Variants in TECPR2 observed in about 807,000 individuals in gnomAD.
The protein encoded by TECPR2 is tectonin beta-propeller repeat-containing protein 2.
A neutral mutation model predicts 138.1 loss-of-function variants in TECPR2; 65 were observed. The ratio of observed to expected loss-of-function variants is 0.47; its 90% confidence interval spans 0.39 to 0.58. The LOEUF (loss-of-function observed/expected upper bound fraction) is 0.58. TECPR2 is among the 20% of genes least tolerant of loss of function. The probability of loss-of-function intolerance (pLI) is 0.00; values close to 1 mark genes in which losing one functional copy is unlikely to be tolerated. For synonymous variants in TECPR2, 746 were observed against 749.8 expected, an observed-to-expected ratio of 0.99 and a Z score of 0.08; for missense variants, 1,553 against 1,824.5, an observed-to-expected ratio of 0.85 and a Z score of 2.71.
At position 102,443,862 on chromosome 14, in the gene TECPR2, C is replaced by T; in HGVS notation, c.2933+35C>T. 1 of 1,501,814 alleles carries T rather than the reference C, an allele frequency of 6.7e-7. No homozygotes were observed. The highest frequency in any genetic ancestry group is 9.0e-7 in the Non-Finnish European group (1 of 1,111,874). The allele number at this position is 1,501,814 out of a possible 1,614,324, so 93.0% of individuals were successfully genotyped here. A position where few individuals can be genotyped will look rare whatever the true frequency, so the allele number is the denominator to read the frequency against. On this transcript the variant is annotated intron_variant, in intron 12 of 19. Coordinates refer to ENST00000359520, the MANE Select transcript of TECPR2 (RefSeq NM_014844.5). The surrounding 1 kb of genome is among the most constrained non-coding windows in gnomAD (Gnocchi z 4.9). ...GGCCAGAGACTCCTTTCACATCGTG[C>T]TTGTCCTACCCTTCGTTCTTGTCCA...
intron 7 of TECPR2, among the ~76,000 whole-genome samples, chr14:102,428,698 G>A (rs886219433): frequency 6.6e-6 from 1 of 152,264 alleles, no homozygotes; most frequent in South Asian, 2.1e-4. Context: ...GGAGGCAGAG[G>A]TTGCTGTAAG....
intron 19 of TECPR2, 129 bp downstream of exon 19, chr14:102,497,848 A>G: frequency 7.7e-7 from 1 of 1,299,064 alleles, no homozygotes; most frequent in Non-Finnish European, 1.0e-6. Context: ...ACTGAGGGCA[A>G]AGCCAGGAGT....
intron 1 of TECPR2, among the ~76,000 whole-genome samples, chr14:102,375,034 G>A (rs1257250928): frequency 5.3e-5 from 8 of 152,088 alleles, no homozygotes; most frequent in Admixed American, 3.9e-4. Flanking sequence ...AAGGAGATGT[G>A]TGGATAGGCC....
At chr14:102,379,907 C>A (rs1319014637) in intron 2 of TECPR2, among the ~76,000 whole-genome samples, 2 of 148,892 alleles carry the variant, frequency 1.3e-5, no homozygotes, top group Non-Finnish European at 3.0e-5. Context: ...CTGAAGATCA[C>A]CATCTTAAAA....
At chr14:102,439,764 G>A (rs1483289551) in intron 10 of TECPR2, among the ~76,000 whole-genome samples, 1 of 152,224 alleles carries the variant, frequency 6.6e-6, no homozygotes, top group Non-Finnish European at 1.5e-5. Flanking sequence ...AGGCCCTCTA[G>A]TCCAGCCCAG....
chr14:102,490,505 G>GT (rs1891130094), intron 17 of TECPR2, among the ~76,000 whole-genome samples: 1 of 152,318 alleles, frequency 6.6e-6, no homozygotes, highest in African/African-American at 2.4e-5. Flanking sequence ...TCAAGCGTTG[G>GT]TTTTTTGTCT....
intron 8 of TECPR2, among the ~76,000 whole-genome samples, 171 bp from the exon 9 acceptor site, chr14:102,434,064 T>TTA (rs1889586826): frequency 6.6e-6 from 1 of 152,186 alleles, no homozygotes; most frequent in South Asian, 2.1e-4. Context: ...CTTGCATGCA[T>TTA]AGAAAGCATC....
Position 102,498,552 on chromosome 14 carries a change from C to T in TECPR2, c.*295C>T. ...CGTGCTGCCGTCCTGGTCTCATCCA[C>T]AGATAGCTCCAGCTTTTGTTGGTGG... On this transcript the variant is annotated 3_prime_UTR_variant, in exon 20 of 20. Transcript: ENST00000359520. 2.1e-6 allele frequency: 1 copy of T among 485,304 alleles called. No individual in the cohort carries two copies. The highest frequency in any genetic ancestry group is 3.8e-6 in the Non-Finnish European group (1 of 264,650). 30.1% of individuals were successfully genotyped at this position (485,304 alleles called of 1,614,324 possible).
chr14:102,483,126 C>T (rs912142387), intron 17 of TECPR2, among the ~76,000 whole-genome samples: 3 of 152,100 alleles, frequency 2.0e-5, no homozygotes, highest in African/African-American at 7.2e-5. Context: ...GCTGGAATTA[C>T]AGGCGTGAGC....
rs530885035 is a variant in TECPR2, at chr14:102,476,559, C to A, written c.3789+11270C>A. Among the ~76,000 whole-genome samples, 214 of 152,222 alleles carry A rather than the reference C, an allele frequency of 1.4e-3. 1 individual carries two copies. Among genetic ancestry groups the A allele is most frequent in the African/African-American group, 4.6e-3 (193 of 41,536 alleles). On this transcript the variant is annotated intron_variant, in intron 17 of 19. Transcript: ENST00000359520. ...TCCACACTGAAGCCCAGAGGGAAAA[C>A]AGGCTGGAAAATGTTCAGAGAATCA...
intron 1 of TECPR2, among the ~76,000 whole-genome samples, chr14:102,368,377 T>C (rs140835320): frequency 6.6e-6 from 1 of 152,244 alleles, no homozygotes; most frequent in East Asian, 1.9e-4. Context: ...AAATTGTCTT[T>C]TGTTGTTGTT....
chr14:102,445,784 C>T, intron 12 of TECPR2, 22 bp from the exon 13 acceptor site: 2 of 1,611,846 alleles, frequency 1.2e-6, no homozygotes, highest in South Asian at 1.1e-5. Context: ...GCTGACCCCC[C>T]TGTTCTCCTC....
At chr14:102,408,447 C>T (rs780294613) in intron 3 of TECPR2, 41 bp from the exon 4 acceptor site, 18 of 1,574,546 alleles carry the variant, frequency 1.1e-5, no homozygotes, top group Non-Finnish European at 1.5e-5. Flanking sequence ...CAGCATTTAT[C>T]CTTTTTTTTT....
intron 16 of TECPR2, among the ~76,000 whole-genome samples, chr14:102,454,056 G>A (rs1243427940): frequency 6.6e-6 from 1 of 152,038 alleles, no homozygotes; most frequent in Non-Finnish European, 1.5e-5. Context: ...GGGAGGCTGA[G>A]GCACGAGAAT....
intron 2 of TECPR2, among the ~76,000 whole-genome samples, chr14:102,405,969 T>C (rs1175074277): frequency 6.6e-6 from 1 of 150,740 alleles, no homozygotes; most frequent in African/African-American, 2.4e-5. Context: ...ATGAGGTATT[T>C]AGAGTATTCA....
chr14:102,376,542 C>T (rs1232577518), intron 1 of TECPR2, 108 bp from the exon 2 acceptor site: 8 of 606,608 alleles, frequency 1.3e-5, no homozygotes, highest in Middle Eastern at 3.4e-4. Flanking sequence ...TTTATTTAAG[C>T]TCCAGCTATA....
intron 17 of TECPR2, among the ~76,000 whole-genome samples, chr14:102,479,210 C>G (rs1890833522): frequency 6.6e-6 from 1 of 152,106 alleles, no homozygotes; most frequent in South Asian, 2.1e-4. Context: ...ACTTGAGACT[C>G]AATGGGCATT....
At position 102,414,777 on chromosome 14, in the gene TECPR2, A is replaced by G. The variant is rs536338550; in HGVS notation, c.622A>G (p.Thr208Ala). The change falls in exon 5 of 20, where the codon ACA (threonine) becomes GCA (alanine). Residue 208 changes from threonine to alanine, a missense_variant. Physicochemically the swap from Thr to Ala is moderately conservative, Grantham distance 58 (BLOSUM62 0). Transcript: ENST00000359520. ...TEEKSVRQIG[T>A]QPRKSTGKFG... ...AGAAAAGTCTGTAAGGCAAATTGGA[A>G]CACAACCAAGGAAAAGGTAAGTTTC... 203 of 1,614,090 alleles carry G rather than the reference A, an allele frequency of 1.3e-4. 1 individual carries two copies. The highest frequency in any genetic ancestry group is 1.6e-4 in the Non-Finnish European group (194 of 1,180,028).
intron 2 of TECPR2, among the ~76,000 whole-genome samples, chr14:102,398,954 C>CA (rs1888393012): frequency 6.6e-6 from 1 of 152,056 alleles, no homozygotes; most frequent in South Asian, 2.1e-4. Flanking sequence ...AGATTATAAG[C>CA]AGATTTCTCA....
Sources: allele counts gnomAD v4.1 joint callset (sites outside exome capture counted in the v4.1 genomes callset), GRCh38; gene constraint gnomAD v4.1.1; non-coding constraint Gnocchi (gnomAD v3.1); transcripts MANE v1.5; gene names NCBI Gene and HGNC (gene_info 2026-07-23, HGNC 2026-07-21).